Variants in ZRANB3 observed in about 807,000 individuals in gnomAD.
The protein encoded by ZRANB3 is DNA annealing helicase and endonuclease ZRANB3.
In ZRANB3, 125 loss-of-function variants were observed where a neutral mutation model predicts 133.8. That is an observed-to-expected ratio of 0.93 (90% CI 0.81 to 1.08). The LOEUF (loss-of-function observed/expected upper bound fraction) is 1.08, where lower values mean the gene tolerates loss of function less well. Among genes scored for constraint, ZRANB3 ranks in the 50% least tolerant of loss-of-function variants. The pLI, the probability that ZRANB3 is intolerant of heterozygous loss-of-function variation, is 0.00. For synonymous variants in ZRANB3, 387 were observed against 432.7 expected (o/e 0.89, Z 1.31); for missense variants, 1,229 against 1,275.5 (o/e 0.96, Z 0.56).
chr2:135,445,129 G>T (rs898526847), intron 2 of ZRANB3, among the ~76,000 whole-genome samples: 4 of 152,106 alleles, frequency 2.6e-5, no homozygotes, highest in Non-Finnish European at 5.9e-5. Flanking sequence ...AGAGTAGGCT[G>T]GTTTGGTTGC....
At chr2:135,399,867 G>A (rs1158063567) in intron 2 of ZRANB3, among the ~76,000 whole-genome samples, 1 of 152,162 alleles carries the variant, frequency 6.6e-6, no homozygotes, top group Non-Finnish European at 1.5e-5. Flanking sequence ...CTCTTTCAGT[G>A]TATAAGGCCT....
At chr2:135,395,739 T>G (rs1687461138) in intron 2 of ZRANB3, among the ~76,000 whole-genome samples, 1 of 151,988 alleles carries the variant, frequency 6.6e-6, no homozygotes, top group African/African-American at 2.4e-5. Context: ...ATTACAGGGG[T>G]GAACCACGGT....
intron 2 of ZRANB3, among the ~76,000 whole-genome samples, chr2:135,412,148 T>G (rs2104955561): frequency 1.3e-5 from 2 of 152,298 alleles, no homozygotes; most frequent in South Asian, 4.1e-4. Flanking sequence ...TGCTGTAACC[T>G]CTACATGTCC....
chr2:135,384,901 A>C (rs1299326425), intron 3 of ZRANB3, among the ~76,000 whole-genome samples: 1 of 152,228 alleles, frequency 6.6e-6, no homozygotes, highest in Non-Finnish European at 1.5e-5. Context: ...TGAATGGGCA[A>C]AAACTGGAAG....
At chr2:135,368,851 T>G (rs959946289) in intron 3 of ZRANB3, among the ~76,000 whole-genome samples, 1 of 151,966 alleles carries the variant, frequency 6.6e-6, no homozygotes, top group Non-Finnish European at 1.5e-5. Flanking sequence ...ACCTAAAACG[T>G]AAATTTCAAA....
intron 2 of ZRANB3, among the ~76,000 whole-genome samples, chr2:135,426,875 T>A (rs1366484424): frequency 3.2e-4 from 10 of 31,352 alleles, no homozygotes; most frequent in African/African-American, 7.6e-4. Context: ...TATATATATA[T>A]ATATATATAT....
intron 2 of ZRANB3, among the ~76,000 whole-genome samples, chr2:135,444,518 A>G (rs1047575885): frequency 2.6e-5 from 4 of 152,212 alleles, no homozygotes; most frequent in East Asian, 1.9e-4. Flanking sequence ...AGTTTGCCAG[A>G]GAGCTGGTGA....
intron 2 of ZRANB3, among the ~76,000 whole-genome samples, chr2:135,402,088 T>C (rs936705377): frequency 1.3e-5 from 2 of 151,952 alleles, no homozygotes; most frequent in African/African-American, 4.8e-5. Context: ...TTTAACCTAG[T>C]TTTGGTGTGT....
rs189155436 is a variant in ZRANB3, at chr2:135,406,556, G to A, written c.162-15736C>T. 3.0e-3 allele frequency among the ~76,000 whole-genome samples: 452 copies of A among 152,176 alleles called. 3 individuals carry two copies. Among genetic ancestry groups the A allele is most frequent in the African/African-American group, 0.01 (420 of 41,514 alleles). On this transcript the variant is annotated intron_variant, in intron 2 of 20. Transcript: ENST00000264159. ...TAGACCAATATCCCTGATGAACATC[G>A]ATGCAAAAATCCTCAATAAAATACT...
chr2:135,315,062 G>C (rs1683188079), intron 7 of ZRANB3, among the ~76,000 whole-genome samples: 1 of 152,042 alleles, frequency 6.6e-6, no homozygotes, highest in South Asian at 2.1e-4. Context: ...CACCGTGCCT[G>C]GCCGATATTT....
intron 8 of ZRANB3, among the ~76,000 whole-genome samples, chr2:135,288,144 G>C (rs923795207): frequency 2.6e-5 from 4 of 152,070 alleles, no homozygotes; most frequent in African/African-American, 7.2e-5. Context: ...AATCACAAAA[G>C]GATGCTGGAT....
At chr2:135,335,045 C>A (rs1303982767) in intron 6 of ZRANB3, among the ~76,000 whole-genome samples, 3 of 152,018 alleles carry the variant, frequency 2.0e-5, no homozygotes, top group Non-Finnish European at 2.9e-5. Context: ...AGGTATTAAG[C>A]CCCGTATGCA....
intron 2 of ZRANB3, among the ~76,000 whole-genome samples, chr2:135,466,732 C>A (rs572570658): frequency 6.6e-6 from 1 of 151,026 alleles, no homozygotes; most frequent in African/African-American, 2.4e-5. Flanking sequence ...GGCTAGAGTG[C>A]GATGGCACAA....
intron 17 of ZRANB3, among the ~76,000 whole-genome samples, chr2:135,213,483 G>A (rs879188121): frequency 6.6e-6 from 1 of 152,144 alleles, no homozygotes; most frequent in Non-Finnish European, 1.5e-5. Context: ...AATGCTTCCC[G>A]ATAGTATCTC....
At chr2:135,268,334 T>C (rs757705618) in intron 11 of ZRANB3, among the ~76,000 whole-genome samples, 8 of 151,922 alleles carry the variant, frequency 5.3e-5, no homozygotes, top group Admixed American at 1.3e-4. Context: ...CCAGCTAATT[T>C]TTTTGTATTT....
chr2:135,314,127 GT>G (rs1683138467), intron 7 of ZRANB3, among the ~76,000 whole-genome samples: 2 of 152,156 alleles, frequency 1.3e-5, no homozygotes, highest in African/African-American at 4.8e-5. Context: ...ACCTCCCAAA[GT>G]GCTGGGACTA....
intron 1 of ZRANB3, among the ~76,000 whole-genome samples, chr2:135,520,256 T>C (rs1267221881): frequency 6.6e-6 from 1 of 151,882 alleles, no homozygotes. Context: ...CCGGGCATGG[T>C]GGCAGGTGCC....
chr2:135,500,682 T>C (rs2104818203), intron 2 of ZRANB3, among the ~76,000 whole-genome samples: 1 of 150,648 alleles, frequency 6.6e-6, no homozygotes, highest in Middle Eastern at 3.4e-3. Flanking sequence ...ATCTTGGTGA[T>C]GCTATACTGT....
chr2:135,294,189 C>T (rs891700405), intron 8 of ZRANB3, among the ~76,000 whole-genome samples: 2 of 152,086 alleles, frequency 1.3e-5, no homozygotes, highest in African/African-American at 4.8e-5. Context: ...CTTCCTTGTA[C>T]CTCTCATAGA....
Sources: allele counts gnomAD v4.1 joint callset (sites outside exome capture counted in the v4.1 genomes callset), GRCh38; gene constraint gnomAD v4.1.1; transcripts MANE v1.5; gene names NCBI Gene and HGNC (gene_info 2026-07-23, HGNC 2026-07-21).